IPCEF1: variants seen among roughly 807,000 people sequenced by gnomAD.
IPCEF1 encodes interaction protein for cytohesin exchange factors 1.
In IPCEF1, 31 loss-of-function variants were observed where a neutral mutation model predicts 50.9. The observed-to-expected ratio is 0.61, with a 90% CI of 0.46 to 0.82. The LOEUF (loss-of-function observed/expected upper bound fraction) is 0.82, where lower values mean the gene tolerates loss of function less well. Among genes scored for constraint, IPCEF1 ranks in the 40% least tolerant of loss-of-function variants. The pLI, the probability that IPCEF1 is intolerant of heterozygous loss-of-function variation, is 0.00. For missense variants in IPCEF1, 458 were observed against 514.0 expected (o/e 0.89, Z 1.05); for synonymous variants, 181 against 192.0 (o/e 0.94, Z 0.47).
At chr6:154,163,579 T>C (rs1799195879) in intron 11 of IPCEF1, among the ~76,000 whole-genome samples, 1 of 152,236 alleles carries the variant, frequency 6.6e-6, no homozygotes, top group Admixed American at 6.5e-5. Context: ...GGCCTTTTTA[T>C]CTGACATGCC....
chr6:154,188,727 GA>G (rs1223920534), intron 10 of IPCEF1, among the ~76,000 whole-genome samples: 1 of 152,226 alleles, frequency 6.6e-6, no homozygotes, highest in Non-Finnish European at 1.5e-5. Context: ...CGATTCATGA[GA>G]AAGATGACAC....
chr6:154,183,809 G>A (rs542189179), intron 10 of IPCEF1, among the ~76,000 whole-genome samples: 2 of 152,172 alleles, frequency 1.3e-5, no homozygotes, highest in South Asian at 4.2e-4. Context: ...AGAATCACTT[G>A]AACCCAGGAG....
Position 154,211,670 on chromosome 6 carries a change from A to G in IPCEF1, c.537+1100T>C, listed in dbSNP as rs561669769. Among the ~76,000 whole-genome samples the G allele has an allele frequency of 4.8e-4, 73 of 152,332 alleles. 1 individual carries two copies. In the South Asian group the frequency reaches 0.014, roughly 29 times the overall value. On this transcript the variant is annotated intron_variant, in intron 9 of 11. Transcript: ENST00000367220. ...AATCTGACATATTAAAATCAAGAAC[A>G]TGTGTTTACAAAGAGAAATTGTGGA...
rs186576382 is a variant in IPCEF1 at position 154,269,419 on chromosome 6, T to C, written c.-17-3455A>G. Among the ~76,000 whole-genome samples the C allele has an allele frequency of 2.5e-3, 384 of 152,316 alleles. 3 individuals are homozygous for C. Among genetic ancestry groups the C allele is most frequent in the African/African-American group, 9.0e-3 (375 of 41,584 alleles). ...GGGATTGATGTACCTTTGTGGAGTT[T>C]GTGTATGAGTGTTTCATTAATAATC... On this transcript the variant is annotated intron_variant, in intron 2 of 11. Coordinates refer to ENST00000367220, the MANE Select transcript of IPCEF1 (RefSeq NM_001130700.2).
chr6:154,221,362 T>A, intron 6 of IPCEF1, 34 bp from the exon 7 acceptor site: 1 of 1,563,982 alleles, frequency 6.4e-7, no homozygotes, highest in Non-Finnish European at 8.8e-7. Flanking sequence ...ACATAAAAAA[T>A]TAGTGTTTAT....
chr6:154,306,395 A>T (rs1487169654), intron 1 of IPCEF1, among the ~76,000 whole-genome samples: 1 of 151,588 alleles, frequency 6.6e-6, no homozygotes, highest in African/African-American at 2.4e-5. Context: ...ATTTTGTTTT[A>T]ATTTATTTTT....
At position 154,305,866 on chromosome 6, in the gene IPCEF1, C is replaced by G. The variant is rs142301426; in HGVS notation, c.-61-16110G>C. 1.1e-4 allele frequency among the ~76,000 whole-genome samples: 16 copies of G among 152,270 alleles called. No homozygotes were observed. In the East Asian group the frequency reaches 3.1e-3, roughly 29 times the overall value. ...ACTCCAAGTTCTTCAGCTCTTGGAC[C>G]TTTGGACTTACACCAGTGGTTTACC... is the stretch of plus-strand genomic sequence containing the variant. On this transcript the variant is annotated intron_variant, in intron 1 of 11. Coordinates refer to ENST00000367220, the MANE Select transcript of IPCEF1 (RefSeq NM_001130700.2).
intron 1 of IPCEF1, among the ~76,000 whole-genome samples, chr6:154,322,696 G>A (rs1783414865): frequency 6.6e-6 from 1 of 152,018 alleles, no homozygotes; most frequent in Non-Finnish European, 1.5e-5. Flanking sequence ...AATTAGCTGG[G>A]CATGGTGGTG....
Position 154,158,672 on chromosome 6 carries a change from A to G in IPCEF1, c.*1156T>C, listed in dbSNP as rs1437663911. 1.3e-5 allele frequency: 2 copies of G among 152,196 alleles called. No individual in the cohort carries two copies. The highest frequency in any genetic ancestry group is 2.9e-5 in the Non-Finnish European group (2 of 68,038). The allele number at this position is 152,196 out of a possible 1,614,324, so 9.4% of individuals were successfully genotyped here. Reference sequence around the variant, plus strand: ...CATTCCTCAGACACAGTGCAACATCATAACACCAGTGAATCAATAGTATTT... The same window carrying G: ...CATTCCTCAGACACAGTGCAACATCGTAACACCAGTGAATCAATAGTATTT... On this transcript the variant is annotated 3_prime_UTR_variant, in exon 12 of 12. Transcript: ENST00000367220.
Position 154,155,833 on chromosome 6 carries a change from T to C in IPCEF1, c.*3995A>G, listed in dbSNP as rs1277064712. Reference sequence around the variant, plus strand: ...CTAAGAGATAATGTACCTATGAATTTAAACATGTCTTAAATTTGAATAGCA... The same window carrying C: ...CTAAGAGATAATGTACCTATGAATTCAAACATGTCTTAAATTTGAATAGCA... On this transcript the variant is annotated 3_prime_UTR_variant, in exon 12 of 12. Coordinates refer to ENST00000367220, the MANE Select transcript of IPCEF1 (RefSeq NM_001130700.2). 2 of 152,226 alleles carry C rather than the reference T, an allele frequency of 1.3e-5. No individual in the cohort carries two copies. The highest frequency in any genetic ancestry group is 2.1e-4 in the South Asian group (1 of 4,824). 9.4% of individuals were successfully genotyped at this position (152,226 alleles called of 1,614,324 possible). A position where few individuals can be genotyped will look rare whatever the true frequency, so the allele number is the denominator to read the frequency against.
chr6:154,276,787 C>T (rs1177141413), intron 2 of IPCEF1, among the ~76,000 whole-genome samples: 1 of 152,148 alleles, frequency 6.6e-6, no homozygotes, highest in Non-Finnish European at 1.5e-5. Flanking sequence ...ATGAATGAGT[C>T]TAATAATTCT....
intron 1 of IPCEF1, among the ~76,000 whole-genome samples, chr6:154,318,195 TG>T (rs1413823672): frequency 6.6e-6 from 1 of 151,896 alleles, no homozygotes; most frequent in Non-Finnish European, 1.5e-5. Flanking sequence ...GAGTAGAGGG[TG>T]GGGGGATTGA....
intron 5 of IPCEF1, among the ~76,000 whole-genome samples, chr6:154,238,186 A>G (rs550229040): frequency 1.3e-5 from 2 of 152,358 alleles, no homozygotes; most frequent in East Asian, 1.9e-4. Context: ...TTTGTAAAAC[A>G]TAGAAACAAA....
intron 9 of IPCEF1, among the ~76,000 whole-genome samples, chr6:154,202,451 T>C (rs1777148664): frequency 6.6e-6 from 1 of 152,190 alleles, no homozygotes; most frequent in Non-Finnish European, 1.5e-5. Flanking sequence ...AAAATAAATA[T>C]TAACAAAAAT....
intron 10 of IPCEF1, among the ~76,000 whole-genome samples, chr6:154,194,260 G>A (rs780279040): frequency 3.3e-5 from 5 of 152,088 alleles, no homozygotes; most frequent in Admixed American, 1.3e-4. Flanking sequence ...TTAGCCAGGC[G>A]TGGTGGCGCA....
chr6:154,231,566 G>A (rs1209334574), intron 5 of IPCEF1, among the ~76,000 whole-genome samples: 3 of 152,218 alleles, frequency 2.0e-5, no homozygotes, highest in African/African-American at 4.8e-5. Flanking sequence ...CATACAACGC[G>A]TAGAGCAATC....
At chr6:154,202,261 A>T (rs759923155) in intron 9 of IPCEF1, among the ~76,000 whole-genome samples, 5 of 152,226 alleles carry the variant, frequency 3.3e-5, no homozygotes, top group Admixed American at 1.3e-4. Context: ...AAAAAAATCC[A>T]TTCAGGAATA....
At chr6:154,180,373 T>A in intron 10 of IPCEF1, among the ~76,000 whole-genome samples, 1 of 146,402 alleles carries the variant, frequency 6.8e-6, no homozygotes, top group Admixed American at 6.9e-5. Flanking sequence ...CTGAGCTAGT[T>A]TAACAACAAC....
At chr6:154,166,283 C>A (rs1244922418) in intron 11 of IPCEF1, among the ~76,000 whole-genome samples, 1 of 152,100 alleles carries the variant, frequency 6.6e-6, no homozygotes, top group South Asian at 2.1e-4. Context: ...ACAAAGTTGG[C>A]CCCCCAGTGG....
Sources: allele counts gnomAD v4.1 joint callset (sites outside exome capture counted in the v4.1 genomes callset), GRCh38; gene constraint gnomAD v4.1.1; transcripts MANE v1.5; gene names NCBI Gene and HGNC (gene_info 2026-07-23, HGNC 2026-07-21).